Variants in NXPH1 observed in about 807,000 individuals in gnomAD.
The protein encoded by NXPH1 is neurexophilin 1.
In NXPH1, 5 loss-of-function variants were observed where a neutral mutation model predicts 23.7. The observed-to-expected ratio is 0.21, with a 90% CI of 0.11 to 0.44. NXPH1 has a LOEUF of 0.44. Among genes scored for constraint, NXPH1 ranks in the 20% least tolerant of loss-of-function variants. NXPH1 has a pLI of 0.99. For missense variants in NXPH1, 324 were observed against 321.6 expected (o/e 1.01, Z -0.06); for synonymous variants, 144 against 122.2 (o/e 1.18, Z -1.18).
intron 2 of NXPH1, among the ~76,000 whole-genome samples, chr7:8,657,637 A>C (rs1251868598): frequency 6.6e-6 from 1 of 152,232 alleles, no homozygotes; most frequent in Admixed American, 6.5e-5. Context: ...TTATGATGAG[A>C]ACTCCAGCAG....
chr7:8,651,901 C>T (rs1273068590), intron 2 of NXPH1, among the ~76,000 whole-genome samples: 1 of 152,070 alleles, frequency 6.6e-6, no homozygotes, highest in Non-Finnish European at 1.5e-5. Flanking sequence ...TTTTCGAGAA[C>T]AAGTATAATA....
In NXPH1 at chr7:8,752,669, G is replaced by A. The variant is rs938966223; in HGVS notation, c.*900G>A. Reference sequence around the variant, plus strand: ...ATCCTAGTCTTCATTTGTATGAATGGTTTGTATTGTACATAGTTTAACCAA... The same window carrying A: ...ATCCTAGTCTTCATTTGTATGAATGATTTGTATTGTACATAGTTTAACCAA... On this transcript the variant is annotated 3_prime_UTR_variant, in exon 3 of 3. Coordinates refer to ENST00000405863, the MANE Select transcript of NXPH1 (RefSeq NM_152745.3). 3 of 152,310 alleles carry A rather than the reference G, an allele frequency of 2.0e-5. No homozygotes were observed. Among genetic ancestry groups the A allele is most frequent in the African/African-American group, 7.3e-5 (3 of 41,342 alleles). The allele number at this position is 152,310 out of a possible 1,614,324, so 9.4% of individuals were successfully genotyped here. A position where few individuals can be genotyped will look rare whatever the true frequency, so the allele number is the denominator to read the frequency against.
In NXPH1 at chr7:8,622,358, A is replaced by G. The variant is rs146323889; in HGVS notation, c.55-128650A>G. Reference sequence around the variant, plus strand: ...TAAGTAGCTTATACAAGGGCATATAATTAGTGTGAGCAGAGCTGTGACTTG... The same window carrying G: ...TAAGTAGCTTATACAAGGGCATATAGTTAGTGTGAGCAGAGCTGTGACTTG... On this transcript the variant is annotated intron_variant, in intron 2 of 2. Coordinates refer to ENST00000405863, the MANE Select transcript of NXPH1 (RefSeq NM_152745.3). 3.5e-3 allele frequency among the ~76,000 whole-genome samples: 529 copies of G among 152,330 alleles called. 2 individuals are homozygous for G. Among genetic ancestry groups the G allele is most frequent in the Non-Finnish European group, 6.3e-3 (429 of 68,024 alleles).
chr7:8,595,928 G>T (rs1426929356), intron 2 of NXPH1, among the ~76,000 whole-genome samples: 1 of 151,932 alleles, frequency 6.6e-6, no homozygotes, highest in Non-Finnish European at 1.5e-5. Flanking sequence ...TAAATAATAG[G>T]TTAAGTGATT....
At chr7:8,588,457 G>A (rs1584252526) in intron 2 of NXPH1, among the ~76,000 whole-genome samples, 1 of 150,704 alleles carries the variant, frequency 6.6e-6, no homozygotes, top group African/African-American at 2.4e-5. Flanking sequence ...CCAGGACAGT[G>A]AAAAAAAAAT....
At chr7:8,457,736 C>T (rs1246441822) in intron 2 of NXPH1, among the ~76,000 whole-genome samples, 1 of 152,048 alleles carries the variant, frequency 6.6e-6, no homozygotes, top group Non-Finnish European at 1.5e-5. Flanking sequence ...ATACTTATCC[C>T]TTGCTTCTCA....
intron 2 of NXPH1, among the ~76,000 whole-genome samples, chr7:8,617,474 A>T (rs1819769738): frequency 6.6e-6 from 1 of 152,142 alleles, no homozygotes; most frequent in Non-Finnish European, 1.5e-5. Context: ...CTATTCAGCC[A>T]TAAAAAAGAA....
intron 2 of NXPH1, among the ~76,000 whole-genome samples, chr7:8,594,913 A>G (rs1233681459): frequency 6.6e-6 from 1 of 152,016 alleles, no homozygotes; most frequent in Non-Finnish European, 1.5e-5. Flanking sequence ...CTGAGTGTGT[A>G]TTTCCATTAA....
chr7:8,613,410 C>G (rs754913907), intron 2 of NXPH1, among the ~76,000 whole-genome samples: 7 of 151,914 alleles, frequency 4.6e-5, no homozygotes, highest in Non-Finnish European at 1.0e-4. Flanking sequence ...TTAGAAGGCA[C>G]CATGGGTTCA....
chr7:8,597,395 G>T (rs1196627916), intron 2 of NXPH1, among the ~76,000 whole-genome samples: 1 of 152,074 alleles, frequency 6.6e-6, no homozygotes, highest in Non-Finnish European at 1.5e-5. Flanking sequence ...TGGGCAAGTG[G>T]GTGGATGGTA....
rs1780567290 is a variant in NXPH1, at chr7:8,751,679, T to C, written c.726T>C (p.Ile242=). Residue 242 remains isoleucine, a synonymous_variant, in exon 3 of 3, where the codon ATT becomes ATC. Coordinates refer to ENST00000405863, the MANE Select transcript of NXPH1 (RefSeq NM_152745.3). This position sits in a 1 kb window ranked among gnomAD's most constrained non-coding sequence, Gnocchi z 4.5. ...SKPFKVICIY[I]SFYSTDYKLV... Reference sequence around the variant, plus strand: ...CCTTTAAGGTGATCTGTATTTACATTTCCTTTTATAGTACAGATTATAAAC... The same window carrying C: ...CCTTTAAGGTGATCTGTATTTACATCTCCTTTTATAGTACAGATTATAAAC... The C allele has an allele frequency of 6.2e-7, 1 of 1,612,964 alleles. No individual in the cohort carries two copies. The highest frequency in any genetic ancestry group is 1.3e-5 in the African/African-American group (1 of 74,898).
chr7:8,657,943 G>T (rs963288582), intron 2 of NXPH1, among the ~76,000 whole-genome samples: 1 of 152,178 alleles, frequency 6.6e-6, no homozygotes, highest in Non-Finnish European at 1.5e-5. Context: ...TAGCATAATT[G>T]CTTGAACTCG....
In NXPH1 at chr7:8,646,052, A is replaced by G. The variant is rs1583212541; in HGVS notation, c.55-104956A>G. On this transcript the variant is annotated intron_variant, in intron 2 of 2. Transcript: ENST00000405863. Reference sequence around the variant, plus strand: ...CTGTAGATATTTTGATTTTGCTATTAATTAAATTAATGAATTTTGAAAAAT... The same window carrying G: ...CTGTAGATATTTTGATTTTGCTATTGATTAAATTAATGAATTTTGAAAAAT... Among the ~76,000 whole-genome samples the G allele has an allele frequency of 3.9e-5, 6 of 152,238 alleles. No homozygotes were observed. In the South Asian group the frequency reaches 1.2e-3, roughly 32 times the overall value.
At chr7:8,483,636 T>C (rs1270774982) in intron 2 of NXPH1, among the ~76,000 whole-genome samples, 1 of 152,102 alleles carries the variant, frequency 6.6e-6, no homozygotes, top group Non-Finnish European at 1.5e-5. Flanking sequence ...TGAAATCATA[T>C]GAAACCCTGA....
At chr7:8,654,040 A>G (rs12531038) in intron 2 of NXPH1, among the ~76,000 whole-genome samples, 6,624 of 152,252 alleles carry the variant, frequency 0.044, 321 homozygotes, top group East Asian at 0.17. Flanking sequence ...TTTCATTTCA[A>G]TGTATAAATC....
chr7:8,738,966 G>A (rs1018888367), intron 2 of NXPH1, among the ~76,000 whole-genome samples: 3 of 151,872 alleles, frequency 2.0e-5, no homozygotes, highest in African/African-American at 4.8e-5. Context: ...AATTGTGGAT[G>A]TTCCTCTCCC....
intron 2 of NXPH1, among the ~76,000 whole-genome samples, chr7:8,627,529 A>G (rs1166233662): frequency 6.6e-5 from 10 of 152,098 alleles, no homozygotes. Flanking sequence ...AGGGGGAGAA[A>G]GGCCTGACAC....
chr7:8,618,506 A>C (rs976535993), intron 2 of NXPH1, among the ~76,000 whole-genome samples: 1 of 152,180 alleles, frequency 6.6e-6, no homozygotes, highest in Admixed American at 6.6e-5. Flanking sequence ...TTTCACATAC[A>C]TTTTTCCTTC....
intron 2 of NXPH1, among the ~76,000 whole-genome samples, chr7:8,464,274 A>T (rs532745629): frequency 6.6e-6 from 1 of 152,262 alleles, no homozygotes; most frequent in East Asian, 1.9e-4. Context: ...AGAGGTCCTT[A>T]TCTGTGACCA....
Sources: gnomAD v4.1 joint callset for allele counts (sites outside exome capture counted in the v4.1 genomes callset) on GRCh38, gnomAD v4.1.1 for gene constraint, Gnocchi (gnomAD v3.1) non-coding constraint, MANE v1.5 for transcripts, NCBI Gene and HGNC (gene_info 2026-07-23, HGNC 2026-07-21) for gene names.